Variants in LRRC8B observed in about 807,000 individuals in gnomAD.
LRRC8B encodes the protein leucine rich repeat containing 8 VRAC subunit B, also known as volume-regulated anion channel subunit LRRC8B.
In LRRC8B, 23 loss-of-function variants were observed where a neutral mutation model predicts 58.8. The observed-to-expected ratio is 0.39, with a 90% CI of 0.28 to 0.55. The LOEUF (loss-of-function observed/expected upper bound fraction) is 0.55. Among genes scored for constraint, LRRC8B ranks in the 20% least tolerant of loss-of-function variants. LRRC8B has a pLI of 0.62. For missense variants in LRRC8B, 694 were observed against 936.0 expected (o/e 0.74, Z 3.37); for synonymous variants, 359 against 374.1 (o/e 0.96, Z 0.47).
In LRRC8B at chr1:89,592,988, A is replaced by G. The variant is rs751101914; in HGVS notation, c.2357A>G (p.Asn786Ser). The change falls in exon 6 of 6, where the codon AAT becomes AGT. Residue 786 changes from asparagine (N) to serine (S), a missense_variant. Asn to Ser is a conservative substitution (Grantham distance 46). Coordinates refer to ENST00000330947, the MANE Select transcript of LRRC8B (RefSeq NM_001369817.2). Reference protein sequence around the residue: ...NCLIVEENLLNTLPLPVTERL... With the variant: ...NCLIVEENLLSTLPLPVTERL... ...CTGATTGTTGAGGAGAACTTGCTCA[A>G]TACTCTTCCTCTCCCTGTAACAGAA... The G allele has an allele frequency of 4.3e-6, 7 of 1,614,034 alleles. No homozygotes were observed. Among genetic ancestry groups the G allele is most frequent in the Middle Eastern group, 1.6e-4 (1 of 6,062 alleles).
chr1:89,538,879 C>T (rs1335496420), intron 1 of LRRC8B, among the ~76,000 whole-genome samples: 3 of 152,106 alleles, frequency 2.0e-5, no homozygotes, highest in Admixed American at 6.6e-5. Context: ...CACCACCACA[C>T]CCGGCTAATT....
chr1:89,531,470 T>G (rs997907746), intron 1 of LRRC8B, among the ~76,000 whole-genome samples: 2 of 152,048 alleles, frequency 1.3e-5, no homozygotes, highest in African/African-American at 4.8e-5. Flanking sequence ...TGGTGGTAAA[T>G]CAGGTTATGG....
intron 1 of LRRC8B, among the ~76,000 whole-genome samples, chr1:89,548,641 T>G (rs1340500624): frequency 6.6e-6 from 1 of 152,192 alleles, no homozygotes; most frequent in Non-Finnish European, 1.5e-5. Context: ...ACCCCTCAGT[T>G]TTGTTTCACC....
At chr1:89,576,608 C>T (rs372724236) in intron 3 of LRRC8B, among the ~76,000 whole-genome samples, 1 of 152,118 alleles carries the variant, frequency 6.6e-6, no homozygotes, top group Non-Finnish European at 1.5e-5. Flanking sequence ...GACCTACTTC[C>T]TACCTTACAA....
At chr1:89,547,410 G>A (rs1011735525) in intron 1 of LRRC8B, among the ~76,000 whole-genome samples, 1 of 152,124 alleles carries the variant, frequency 6.6e-6, no homozygotes, top group South Asian at 2.1e-4. Flanking sequence ...TGAGTATTGT[G>A]GTGTTGAATC....
chr1:89,543,306 C>CAA (rs1307074883), intron 1 of LRRC8B, among the ~76,000 whole-genome samples: 2 of 152,164 alleles, frequency 1.3e-5, no homozygotes, highest in African/African-American at 4.8e-5. Flanking sequence ...TAACAATACT[C>CAA]AAAGTATTCA....
In LRRC8B at chr1:89,594,515, A is replaced by G. The variant is rs1655186887; in HGVS notation, c.*1472A>G. On this transcript the variant is annotated 3_prime_UTR_variant, in exon 6 of 6. Coordinates refer to ENST00000330947, the MANE Select transcript of LRRC8B (RefSeq NM_001369817.2). ...TAGAAATTTAGTAAGAGTTAAAGCA[A>G]AAGACTTTTTTTCCCTCCATCTATG... is the stretch of plus-strand genomic sequence containing the variant. The G allele has an allele frequency of 1.3e-5, 2 of 152,168 alleles. No homozygotes were observed. The highest frequency in any genetic ancestry group is 4.1e-4 in the South Asian group (2 of 4,828). 9.4% of individuals were successfully genotyped at this position (152,168 alleles called of 1,614,324 possible). A position where few individuals can be genotyped will look rare whatever the true frequency, so the allele number is the denominator to read the frequency against.
chr1:89,591,746 G>A (rs1029311798), intron 5 of LRRC8B, among the ~76,000 whole-genome samples: 6 of 152,138 alleles, frequency 3.9e-5, no homozygotes, highest in Non-Finnish European at 8.8e-5. Flanking sequence ...GCATTAGCCC[G>A]TCAGAGGATA....
intron 1 of LRRC8B, among the ~76,000 whole-genome samples, chr1:89,559,411 G>A (rs1266435338): frequency 4.6e-5 from 7 of 151,906 alleles, no homozygotes; most frequent in East Asian, 1.9e-4. Context: ...TTGGGAGGCC[G>A]AGGTGGGACA....
Position 89,584,805 on chromosome 1 carries a change from C to CT in LRRC8B, c.2139+19dup. 3 of 1,527,052 alleles carry CT rather than the reference C, an allele frequency of 2.0e-6. No homozygotes were observed. The highest frequency in any genetic ancestry group is 1.2e-5 in the South Asian group (1 of 81,754). The allele number at this position is 1,527,052 out of a possible 1,614,324, so 94.6% of individuals were successfully genotyped here. ...CAACAACAATGTAAGTAAATCCATT[C>CT]TTTCTTTTATTCAGTATCTGCCGTA... is the stretch of plus-strand genomic sequence containing the variant. On this transcript the variant is annotated intron_variant, in intron 5 of 5. Transcript: ENST00000330947.
At chr1:89,570,870 C>G (rs866875332) in intron 3 of LRRC8B, among the ~76,000 whole-genome samples, 1 of 152,088 alleles carries the variant, frequency 6.6e-6, no homozygotes, top group Admixed American at 6.5e-5. Flanking sequence ...GGCCTTTAAT[C>G]CATTTTGAGT....
chr1:89,564,532 A>G (rs756289825), intron 1 of LRRC8B, among the ~76,000 whole-genome samples: 5 of 152,170 alleles, frequency 3.3e-5, no homozygotes, highest in Non-Finnish European at 5.9e-5. Context: ...CAACTTTTTC[A>G]CGTTTAGAGT....
chr1:89,541,602 T>G (rs1650981746), intron 1 of LRRC8B, among the ~76,000 whole-genome samples: 1 of 147,702 alleles, frequency 6.8e-6, no homozygotes, highest in Non-Finnish European at 1.5e-5. Context: ...TCCCAGCTAC[T>G]TGGGAGGCTG....
chr1:89,580,328 G>T (rs1654126948), intron 4 of LRRC8B, among the ~76,000 whole-genome samples: 1 of 152,174 alleles, frequency 6.6e-6, no homozygotes, highest in Non-Finnish European at 1.5e-5. Context: ...CACGAGGCAG[G>T]TACAGAAGGA....
chr1:89,543,209 C>T (rs1570571898), intron 1 of LRRC8B, among the ~76,000 whole-genome samples: 2 of 152,112 alleles, frequency 1.3e-5, no homozygotes, highest in East Asian at 1.9e-4. Context: ...TAAAAGAAAA[C>T]TATGGCCCTT....
intron 1 of LRRC8B, among the ~76,000 whole-genome samples, chr1:89,534,514 T>TAC (rs71312000): frequency 0.22 from 32,652 of 149,080 alleles, 3,560 homozygotes; most frequent in South Asian, 0.37. Flanking sequence ...TTTTGTGACA[T>TAC]ACACACACAC....
At chr1:89,543,076 A>G (rs1201039101) in intron 1 of LRRC8B, among the ~76,000 whole-genome samples, 1 of 152,236 alleles carries the variant, frequency 6.6e-6, no homozygotes, top group East Asian at 1.9e-4. Context: ...CTATTGACAA[A>G]ATAGAAAAAA....
At chr1:89,528,077 G>GTATATATTTAAAC (rs1553152914) in intron 1 of LRRC8B, among the ~76,000 whole-genome samples, 1 of 152,110 alleles carries the variant, frequency 6.6e-6, no homozygotes, top group African/African-American at 2.4e-5. Context: ...TTTCTAGACT[G>GTATATATTTAAAC]TATATATTTA....
intron 1 of LRRC8B, among the ~76,000 whole-genome samples, chr1:89,560,082 A>T (rs1418678141): frequency 1.3e-5 from 2 of 152,226 alleles, no homozygotes; most frequent in Non-Finnish European, 2.9e-5. Context: ...CTAACATTAC[A>T]TGTAAGGAAA....
Sources: gnomAD v4.1 joint callset for allele counts (sites outside exome capture counted in the v4.1 genomes callset) on GRCh38, gnomAD v4.1.1 for gene constraint, MANE v1.5 for transcripts, NCBI Gene and HGNC (gene_info 2026-07-23, HGNC 2026-07-21) for gene names.